The following TRERF1 variants were observed in gnomAD, a reference collection of about 807,000 sequenced individuals.
TRERF1 encodes transcriptional-regulating factor 1.
In TRERF1, 27 loss-of-function variants were observed where a neutral mutation model predicts 122.9. The observed-to-expected ratio is 0.22, with a 90% CI of 0.16 to 0.30. The LOEUF (loss-of-function observed/expected upper bound fraction) is 0.30. TRERF1 is among the 10% of genes least tolerant of loss of function. TRERF1 has a pLI of 1.00. For missense variants in TRERF1, 1,248 were observed against 1,560.3 expected (o/e 0.80, Z 3.37); for synonymous variants, 636 against 641.7 (o/e 0.99, Z 0.13).
chr6:42,292,777 A>G (rs1020659196), intron 4 of TRERF1, among the ~76,000 whole-genome samples: 2 of 152,236 alleles, frequency 1.3e-5, no homozygotes, highest in African/African-American at 4.8e-5. Context: ...GCTTAATTGT[A>G]TCCAGTAGAA....
At chr6:42,433,666 G>A (rs189720126) in intron 2 of TRERF1, among the ~76,000 whole-genome samples, 9 of 152,102 alleles carry the variant, frequency 5.9e-5, no homozygotes, top group African/African-American at 9.6e-5. Flanking sequence ...AAAAATACAC[G>A]ATCAATAAAA....
chr6:42,439,985 T>C (rs999480398), intron 2 of TRERF1, among the ~76,000 whole-genome samples: 12 of 152,258 alleles, frequency 7.9e-5, no homozygotes, highest in Middle Eastern at 3.4e-3. Flanking sequence ...TTTCCAGCCA[T>C]TGGGACAATC....
In TRERF1 at chr6:42,232,793, T is replaced by G; in HGVS notation, c.3166A>C (p.Lys1056Gln). The G allele has an allele frequency of 6.2e-7, 1 of 1,613,356 alleles. No homozygotes were observed. The highest frequency in any genetic ancestry group is 8.5e-7 in the Non-Finnish European group (1 of 1,179,612). The change falls in exon 17 of 18, where the codon AAG becomes CAG. Residue 1056 changes from lysine (K) to glutamine (Q), a missense_variant. Lys to Gln is a moderately conservative substitution (Grantham distance 53). This residue lies in a region of TRERF1 where 159 missense variants were observed against 221.7 expected (regional missense o/e 0.72). Coordinates refer to ENST00000372922, the Ensembl canonical transcript of TRERF1. This position sits in a 1 kb window ranked among gnomAD's most constrained non-coding sequence, Gnocchi z 4.5. The stretch of plus-strand genomic sequence containing the variant: ...TACCCACTCTGGGTGCCACCAGGCT[T>G]CTGCTTCCCAGAGGGGATGGCACCT...
At chr6:42,442,900 T>A (rs1184445260) in intron 2 of TRERF1, among the ~76,000 whole-genome samples, 4 of 152,248 alleles carry the variant, frequency 2.6e-5, no homozygotes, top group Admixed American at 6.5e-5. Context: ...CAGGTGACTC[T>A]TAGTTGATCA....
chr6:42,288,283 C>T (rs761978068), intron 4 of TRERF1, among the ~76,000 whole-genome samples: 7 of 151,850 alleles, frequency 4.6e-5, no homozygotes, highest in African/African-American at 9.7e-5. Context: ...AAGATAGGGC[C>T]GAGGGCCGGG....
At chr6:42,251,739 G>A (rs76288062) in intron 13 of TRERF1, among the ~76,000 whole-genome samples, 2 of 152,086 alleles carry the variant, frequency 1.3e-5, no homozygotes, top group African/African-American at 4.8e-5. Context: ...AAGAGACAAG[G>A]CCTCTCCAAT....
intron 3 of TRERF1, among the ~76,000 whole-genome samples, chr6:42,362,786 C>T (rs904835574): frequency 2.6e-5 from 4 of 152,210 alleles, no homozygotes; most frequent in Admixed American, 1.3e-4. Flanking sequence ...CACCCTCCGC[C>T]CCATTCCAGA....
intron 3 of TRERF1, among the ~76,000 whole-genome samples, chr6:42,333,720 C>T (rs1765632457): frequency 6.6e-6 from 1 of 152,170 alleles, no homozygotes; most frequent in Non-Finnish European, 1.5e-5. Context: ...CTTCAGCCTC[C>T]ATGGGAGGAA....
Position 42,269,676 on chromosome 6 carries a change from A to G in TRERF1, c.-86T>C, listed in dbSNP as rs1779876265. On this transcript the variant is annotated 5_prime_UTR_variant, in exon 5 of 18. Transcript: ENST00000372922. This position sits in a 1 kb window ranked among gnomAD's most constrained non-coding sequence, Gnocchi z 4.9. ...ACCCAAAAGGACTGAAACCCTGAGA[A>G]GCTGAGAGAAAAGTGTCAGCACTAC... 1 of 1,496,104 alleles carries G rather than the reference A, an allele frequency of 6.7e-7. No homozygotes were observed. The highest frequency in any genetic ancestry group is 1.4e-5 in the African/African-American group (1 of 72,014). The allele number at this position is 1,496,104 out of a possible 1,614,324, so 92.7% of individuals were successfully genotyped here.
intron 16 of TRERF1, among the ~76,000 whole-genome samples, chr6:42,234,955 T>TGG (rs1562109316): frequency 6.6e-6 from 1 of 152,180 alleles, no homozygotes; most frequent in East Asian, 1.9e-4. Flanking sequence ...CTTAAAGTCA[T>TGG]TATCGCAATC....
intron 4 of TRERF1, among the ~76,000 whole-genome samples, chr6:42,280,746 G>A (rs1782165453): frequency 1.3e-5 from 2 of 152,128 alleles, no homozygotes; most frequent in African/African-American, 4.8e-5. Flanking sequence ...TGAGGGCGGG[G>A]AAAGGAAGGA....
intron 2 of TRERF1, 53 bp downstream of exon 2, chr6:42,451,123 GA>G (rs1436400207): frequency 1.3e-5 from 2 of 151,922 alleles, no homozygotes; most frequent in African/African-American, 4.8e-5. Context: ...TCTTCTCGAG[GA>G]GCATCCCCAA....
chr6:42,416,054 T>C (rs1246616733), intron 2 of TRERF1, among the ~76,000 whole-genome samples: 1 of 152,168 alleles, frequency 6.6e-6, no homozygotes, highest in Non-Finnish European at 1.5e-5. Context: ...AGATATTTTA[T>C]CTCTTCTGTT....
At chr6:42,394,407 G>A (rs748332037) in intron 2 of TRERF1, among the ~76,000 whole-genome samples, 2 of 152,212 alleles carry the variant, frequency 1.3e-5, no homozygotes, top group Non-Finnish European at 2.9e-5. Context: ...AGTAATTCAT[G>A]AGCACCCTCC....
chr6:42,378,135 C>G (rs1325404428), intron 2 of TRERF1, among the ~76,000 whole-genome samples: 1 of 151,946 alleles, frequency 6.6e-6, no homozygotes, highest in South Asian at 2.1e-4. Flanking sequence ...GGTTGAGGGG[C>G]AGGTGAGGGG....
At chr6:42,292,419 T>C (rs996585497) in intron 4 of TRERF1, among the ~76,000 whole-genome samples, 2 of 152,156 alleles carry the variant, frequency 1.3e-5, no homozygotes, top group Non-Finnish European at 2.9e-5. Flanking sequence ...AGCACCTGTG[T>C]CCAGGGCACA....
intron 2 of TRERF1, among the ~76,000 whole-genome samples, chr6:42,411,616 C>T (rs1781105056): frequency 6.6e-6 from 1 of 152,182 alleles, no homozygotes; most frequent in Non-Finnish European, 1.5e-5. Flanking sequence ...TCTCCGTTTC[C>T]TCAGACCAGA....
intron 3 of TRERF1, among the ~76,000 whole-genome samples, chr6:42,314,391 G>A (rs897904665): frequency 3.3e-5 from 5 of 152,114 alleles, no homozygotes; most frequent in African/African-American, 9.7e-5. Context: ...AAGCTCACCC[G>A]ATGCTTTCAA....
At chr6:42,437,463 C>T (rs914767802) in intron 2 of TRERF1, among the ~76,000 whole-genome samples, 1 of 152,062 alleles carries the variant, frequency 6.6e-6, no homozygotes, top group African/African-American at 2.4e-5. Context: ...TTTTTTAAAT[C>T]TCATTTTACT....
Sources: allele counts gnomAD v4.1 joint callset (sites outside exome capture counted in the v4.1 genomes callset), GRCh38; gene constraint gnomAD v4.1.1; regional missense constraint gnomAD v4.1.1; non-coding constraint Gnocchi (gnomAD v3.1); transcripts MANE v1.5; gene names NCBI Gene and HGNC (gene_info 2026-07-23, HGNC 2026-07-21).